The following TP63 variants were observed in gnomAD, a reference collection of about 807,000 sequenced individuals.
TP63 encodes tumor protein 63.
In TP63, 17 loss-of-function variants were observed where a neutral mutation model predicts 82.8. The ratio of observed to expected loss-of-function variants is 0.21; its 90% CI spans 0.14 to 0.31. TP63 has a LOEUF of 0.31. Ranked by LOEUF, TP63 falls within the 10% of genes least tolerant of loss-of-function variation. The pLI is 1.00. For synonymous variants in TP63, 330 were observed against 321.7 expected, an observed-to-expected ratio of 1.03 and a Z score of -0.28; for missense variants, 648 against 895.3, an observed-to-expected ratio of 0.72 and a Z score of 3.52.
In TP63 at chr3:189,694,444, G is replaced by T. The variant is rs549480903; in HGVS notation, c.63-43296G>T. On this transcript the variant is annotated intron_variant, in intron 1 of 13. Coordinates refer to ENST00000264731, the MANE Select transcript of TP63 (RefSeq NM_003722.5). ...GTATTTAGCCATCATGTTGCCTTAGGTTCCCCTTGGCTGTGATATTTTCTC... is the reference window on the plus strand; with the variant it reads ...GTATTTAGCCATCATGTTGCCTTAGTTTCCCCTTGGCTGTGATATTTTCTC... Among the ~76,000 whole-genome samples, 3 of 152,128 alleles carry T rather than the reference G, an allele frequency of 2.0e-5. No individual in the cohort carries two copies. In the East Asian group the frequency reaches 5.8e-4, roughly 29 times the overall value.
At chr3:189,762,779 T>A (rs4284956) in intron 3 of TP63, among the ~76,000 whole-genome samples, 2 of 152,030 alleles carry the variant, frequency 1.3e-5, no homozygotes, top group African/African-American at 4.8e-5. Context: ...AGGAGTGCAG[T>A]GTTTAAAAGA....
At chr3:189,824,150 T>C (rs1234150940) in intron 4 of TP63, among the ~76,000 whole-genome samples, 1 of 152,170 alleles carries the variant, frequency 6.6e-6, no homozygotes, top group African/African-American at 2.4e-5. Flanking sequence ...CCCAGGCTGA[T>C]TGAAATGGCT....
At chr3:189,829,248 G>A (rs995826140) in intron 4 of TP63, among the ~76,000 whole-genome samples, 4 of 152,182 alleles carry the variant, frequency 2.6e-5, no homozygotes, top group Admixed American at 6.5e-5. Flanking sequence ...CATCTTAAAA[G>A]AGGATTCAGG....
intron 4 of TP63, among the ~76,000 whole-genome samples, chr3:189,834,409 T>C (rs1712816230): frequency 6.6e-6 from 1 of 152,158 alleles, no homozygotes. Flanking sequence ...AAAACATAGA[T>C]TCTTATGCTT....
intron 1 of TP63, among the ~76,000 whole-genome samples, chr3:189,701,131 G>A (rs2108739612): frequency 6.6e-6 from 1 of 152,174 alleles, no homozygotes; most frequent in East Asian, 1.9e-4. Context: ...TGCCTCCCCA[G>A]CCACATGGAG....
chr3:189,875,131 G>A (rs566213280), intron 10 of TP63, among the ~76,000 whole-genome samples: 2 of 152,014 alleles, frequency 1.3e-5, no homozygotes, highest in South Asian at 4.2e-4. Context: ...TGTGGTTGTA[G>A]CACAGAAACA....
intron 3 of TP63, among the ~76,000 whole-genome samples, chr3:189,761,894 G>T (rs1722610274): frequency 6.6e-6 from 1 of 152,208 alleles, no homozygotes; most frequent in East Asian, 1.9e-4. Context: ...GAGAGCTTGT[G>T]CAGAGAAACC....
intron 1 of TP63, among the ~76,000 whole-genome samples, chr3:189,733,972 T>C (rs778509224): frequency 6.6e-6 from 1 of 152,132 alleles, no homozygotes; most frequent in Non-Finnish European, 1.5e-5. Flanking sequence ...ACTTTGTTAA[T>C]TCCTTCCCTA....
rs1158207880 is a variant in TP63 at position 189,726,030 on chromosome 3, A to G, written c.63-11710A>G. On this transcript the variant is annotated intron_variant, in intron 1 of 13. Coordinates refer to ENST00000264731, the MANE Select transcript of TP63 (RefSeq NM_003722.5). Reference sequence around the variant, plus strand: ...AGATCATGCCATTGCACTCCAGCCTAGGCAACAGAGCGAGAGTTTATTTTG... The same window carrying G: ...AGATCATGCCATTGCACTCCAGCCTGGGCAACAGAGCGAGAGTTTATTTTG... 7.7e-5 allele frequency among the ~76,000 whole-genome samples: 10 copies of G among 129,114 alleles called. 1 individual carries two copies. In the Admixed American group the frequency reaches 7.8e-4, roughly 10 times the overall value. The allele number at this position is 129,114 out of a possible 152,430, so 84.7% of individuals were successfully genotyped here.
At chr3:189,723,017 T>G (rs1020698478) in intron 1 of TP63, among the ~76,000 whole-genome samples, 16 of 152,192 alleles carry the variant, frequency 1.1e-4, no homozygotes, top group African/African-American at 3.9e-4. Flanking sequence ...TCAGTCCAGA[T>G]CATTTGAAAC....
chr3:189,863,877 C>G (rs1005146140), intron 4 of TP63, among the ~76,000 whole-genome samples: 1 of 152,296 alleles, frequency 6.6e-6, no homozygotes. Flanking sequence ...TGCCAATACT[C>G]TTCTTTCACT....
chr3:189,872,564 C>T (rs768980913), intron 9 of TP63, among the ~76,000 whole-genome samples: 3 of 151,910 alleles, frequency 2.0e-5, no homozygotes, highest in Non-Finnish European at 4.4e-5. Flanking sequence ...AAACACGTGG[C>T]GCTAAATAGA....
intron 3 of TP63, among the ~76,000 whole-genome samples, chr3:189,806,307 C>A (rs1042001835): frequency 6.6e-6 from 1 of 151,998 alleles, no homozygotes; most frequent in South Asian, 2.1e-4. Context: ...TTACTGCCTG[C>A]GAGAAAGTGC....
At chr3:189,889,973 C>T (rs796470161) in intron 12 of TP63, among the ~76,000 whole-genome samples, 5 of 152,286 alleles carry the variant, frequency 3.3e-5, no homozygotes, top group African/African-American at 1.2e-4. Flanking sequence ...ATGGCCTTTA[C>T]TACTCTGCCT....
intron 4 of TP63, among the ~76,000 whole-genome samples, chr3:189,862,025 C>T (rs1577129350): frequency 6.6e-6 from 1 of 152,264 alleles, no homozygotes; most frequent in Non-Finnish European, 1.5e-5. Flanking sequence ...GTGGCACACT[C>T]ATTTGATGGT....
intron 1 of TP63, among the ~76,000 whole-genome samples, chr3:189,734,949 A>G (rs942214198): frequency 9.6e-6 from 1 of 104,070 alleles, no homozygotes; most frequent in African/African-American, 3.4e-5. Flanking sequence ...TTCTAATCCA[A>G]TTGTATCCAA....
intron 3 of TP63, among the ~76,000 whole-genome samples, chr3:189,760,892 A>T (rs1317725783): frequency 6.6e-6 from 1 of 152,188 alleles, no homozygotes; most frequent in Non-Finnish European, 1.5e-5. Context: ...ACTTCTGTGC[A>T]CACACAGGCT....
In TP63 at chr3:189,896,631, C is replaced by A. The variant is rs1379354064; in HGVS notation, c.*2129C>A. The A allele has an allele frequency of 4.8e-6, 1 of 207,960 alleles. No homozygotes were observed. Among genetic ancestry groups the A allele is most frequent in the Non-Finnish European group, 9.8e-6 (1 of 101,636 alleles). 12.9% of individuals were successfully genotyped at this position (207,960 alleles called of 1,614,324 possible). A position where few individuals can be genotyped will look rare whatever the true frequency, so the allele number is the denominator to read the frequency against. On this transcript the variant is annotated 3_prime_UTR_variant, in exon 14 of 14. Coordinates refer to ENST00000264731, the MANE Select transcript of TP63 (RefSeq NM_003722.5). ...GTAAGAAGACAAACTGCTTCCCTTA[C>A]TTTGCTGAGGGTTTGAATAAACCTA...
upstream of TP63, among the ~76,000 whole-genome samples, chr3:189,630,763 G>T (rs115244157): frequency 0.013 from 2,035 of 152,166 alleles, 55 homozygotes; most frequent in African/African-American, 0.047. Context: ...GTCAGGCAAA[G>T]CTTCTAAGGG....
Sources: gnomAD v4.1 joint callset for allele counts (sites outside exome capture counted in the v4.1 genomes callset) on GRCh38, gnomAD v4.1.1 for gene constraint, MANE v1.5 for transcripts, NCBI Gene and HGNC (gene_info 2026-07-23, HGNC 2026-07-21) for gene names.